The following SENP7 variants were observed in gnomAD, a reference collection of about 807,000 sequenced individuals.
SENP7 encodes sentrin-specific protease 7.
SENP7 carries 64 observed loss-of-function variants against 141.2 expected under a neutral mutation model. The ratio of observed to expected loss-of-function variants is 0.45; its 90% CI spans 0.37 to 0.56. The LOEUF (loss-of-function observed/expected upper bound fraction) is 0.56, where lower values mean the gene tolerates loss of function less well. Among genes scored for constraint, SENP7 ranks in the 20% least tolerant of loss-of-function variants. The pLI is 0.00. For missense variants in SENP7, 1,025 were observed against 1,212.2 expected, an observed-to-expected ratio of 0.85 and a Z score of 2.29; for synonymous variants, 382 against 426.4, an observed-to-expected ratio of 0.90 and a Z score of 1.28.
At chr3:101,474,253 T>C (rs1264083310) in intron 3 of SENP7, among the ~76,000 whole-genome samples, 2 of 152,242 alleles carry the variant, frequency 1.3e-5, no homozygotes, top group Non-Finnish European at 2.9e-5. Context: ...TTCATAAGAA[T>C]AGCATTAAAT....
intron 9 of SENP7, among the ~76,000 whole-genome samples, chr3:101,365,634 C>CAAAAAAAA (rs1010380283): frequency 3.2e-5 from 2 of 62,132 alleles, no homozygotes; most frequent in Non-Finnish European, 6.2e-5. Context: ...GACTCTGTCT[C>CAAAAAAAA]AAAAAAAAAA....
chr3:101,477,621 T>C (rs922310711), intron 3 of SENP7, among the ~76,000 whole-genome samples: 6 of 152,092 alleles, frequency 3.9e-5, no homozygotes, highest in Non-Finnish European at 7.4e-5. Flanking sequence ...GAGGCTGATG[T>C]GGGTGGATCA....
chr3:101,459,615 G>C (rs1374818265), intron 3 of SENP7, among the ~76,000 whole-genome samples: 1 of 152,132 alleles, frequency 6.6e-6, no homozygotes, highest in Non-Finnish European at 1.5e-5. Context: ...AAGGGATATA[G>C]TAACAGTAGC....
At chr3:101,374,198 A>T (rs561344000) in intron 6 of SENP7, among the ~76,000 whole-genome samples, 3 of 152,322 alleles carry the variant, frequency 2.0e-5, no homozygotes, top group African/African-American at 7.2e-5. Flanking sequence ...AAACCATTCA[A>T]TAGGGAAGGG....
At chr3:101,370,610 T>C (rs1273902448) in intron 7 of SENP7, among the ~76,000 whole-genome samples, 1 of 152,206 alleles carries the variant, frequency 6.6e-6, no homozygotes, top group Non-Finnish European at 1.5e-5. Context: ...TTTATTGAAG[T>C]TTTTTTCAAA....
At chr3:101,431,508 C>CTTTTTTTTTTTTTTTTT (rs56937965) in intron 4 of SENP7, among the ~76,000 whole-genome samples, 1 of 82,908 alleles carries the variant, frequency 1.2e-5, no homozygotes. Context: ...GCAACCCCTG[C>CTTTTTTTTTTTTTTTTT]TTTTTTTTTT....
intron 3 of SENP7, among the ~76,000 whole-genome samples, chr3:101,465,881 GTAAA>G (rs1371177611): frequency 6.6e-6 from 1 of 151,928 alleles, no homozygotes; most frequent in Non-Finnish European, 1.5e-5. Context: ...TTTTTAAAAA[GTAAA>G]TAATCCAAAA....
At chr3:101,431,585 A>G (rs1392137521) in intron 4 of SENP7, among the ~76,000 whole-genome samples, 1 of 142,692 alleles carries the variant, frequency 7.0e-6, no homozygotes, top group African/African-American at 2.6e-5. Flanking sequence ...AGAGATCGAG[A>G]CCATCCTGGC....
chr3:101,351,511 G>T (rs2059612995), intron 12 of SENP7, 107 bp downstream of exon 12: 1 of 885,072 alleles, frequency 1.1e-6, no homozygotes, highest in Non-Finnish European at 1.6e-6. Flanking sequence ...ACTCCATTTG[G>T]AATTGCTAAA....
intron 3 of SENP7, among the ~76,000 whole-genome samples, chr3:101,470,892 C>G (rs1207092608): frequency 1.3e-5 from 2 of 152,020 alleles, no homozygotes; most frequent in African/African-American, 2.4e-5. Context: ...GAGTGAACTC[C>G]CATTCACAAT....
chr3:101,381,062 T>C (rs192199129), intron 6 of SENP7, among the ~76,000 whole-genome samples: 1 of 152,306 alleles, frequency 6.6e-6, no homozygotes, highest in East Asian at 1.9e-4. Flanking sequence ...TTCACAATTA[T>C]ATAAAACTTA....
At chr3:101,424,765 G>A (rs901582656) in intron 4 of SENP7, among the ~76,000 whole-genome samples, 3 of 152,074 alleles carry the variant, frequency 2.0e-5, no homozygotes, top group African/African-American at 7.2e-5. Context: ...ATGAAGACAG[G>A]CACCCTGGCA....
chr3:101,424,415 C>A (rs1288166757), intron 4 of SENP7, among the ~76,000 whole-genome samples: 1 of 151,822 alleles, frequency 6.6e-6, no homozygotes, highest in Non-Finnish European at 1.5e-5. Flanking sequence ...CCCTGCCCTG[C>A]CACTGTGTGA....
At chr3:101,409,875 G>C (rs982651753) in intron 5 of SENP7, among the ~76,000 whole-genome samples, 1 of 152,148 alleles carries the variant, frequency 6.6e-6, no homozygotes, top group African/African-American at 2.4e-5. Flanking sequence ...CATTGGCTTA[G>C]GCAAGGATTT....
intron 4 of SENP7, chr3:101,458,625 T>G (rs778777943): frequency 1.1e-4 from 19 of 168,396 alleles, no homozygotes; most frequent in Non-Finnish European, 2.4e-4. Flanking sequence ...GACTAGCCTT[T>G]AAAAAATAAA....
chr3:101,348,113 C>T lies in SENP7; in HGVS notation c.1658-62G>A, dbSNP rs900236479. ...TCCATTTAAGAATACACCACTTAAACATTATATGACACTTGTTAATACACT... is the reference window on the plus strand; with the variant it reads ...TCCATTTAAGAATACACCACTTAAATATTATATGACACTTGTTAATACACT... On this transcript the variant is annotated intron_variant, in intron 12 of 23. Transcript: ENST00000394095. 3 of 1,089,060 alleles carry T rather than the reference C, an allele frequency of 2.8e-6. No individual in the cohort carries two copies. In the African/African-American group the frequency reaches 4.8e-5, roughly 17 times the overall value. The allele number at this position is 1,089,060 out of a possible 1,614,324, so 67.5% of individuals were successfully genotyped here. A position where few individuals can be genotyped will look rare whatever the true frequency, so the allele number is the denominator to read the frequency against.
intron 3 of SENP7, among the ~76,000 whole-genome samples, chr3:101,474,525 A>G (rs1341226597): frequency 6.6e-6 from 1 of 152,090 alleles, no homozygotes; most frequent in Non-Finnish European, 1.5e-5. Context: ...TTGGACACTG[A>G]TTTTGTATGC....
intron 4 of SENP7, among the ~76,000 whole-genome samples, chr3:101,426,463 A>T (rs1269340961): frequency 1.3e-5 from 2 of 149,604 alleles, no homozygotes; most frequent in Non-Finnish European, 3.0e-5. Flanking sequence ...ACTAAGCTTC[A>T]TAAGTGAAGG....
At chr3:101,436,271 T>A (rs2062384714) in intron 4 of SENP7, among the ~76,000 whole-genome samples, 1 of 151,884 alleles carries the variant, frequency 6.6e-6, no homozygotes, top group Admixed American at 6.6e-5. Flanking sequence ...ATAAATCAAA[T>A]CAAAATGGAT....
Sources: gnomAD v4.1 joint callset for allele counts (sites outside exome capture counted in the v4.1 genomes callset) on GRCh38, gnomAD v4.1.1 for gene constraint, MANE v1.5 for transcripts, NCBI Gene and HGNC (gene_info 2026-07-23, HGNC 2026-07-21) for gene names.